CDH20: variants seen among roughly 807,000 people sequenced by gnomAD.
The protein encoded by CDH20 is cadherin-20.
In CDH20, 29 loss-of-function variants were observed where a neutral mutation model predicts 74.2. That is an observed-to-expected ratio of 0.39 (90% CI 0.29 to 0.53). CDH20 has a LOEUF of 0.53. Ranked by LOEUF, CDH20 falls within the 20% of genes least tolerant of loss-of-function variation. The pLI is 0.69. For missense variants in CDH20, 988 were observed against 1,048.3 expected, an observed-to-expected ratio of 0.94 and a Z score of 0.79; for synonymous variants, 469 against 405.4, an observed-to-expected ratio of 1.16 and a Z score of -1.88.
At chr18:61,522,489 C>A (rs1288773916) in intron 6 of CDH20, among the ~76,000 whole-genome samples, 1 of 152,122 alleles carries the variant, frequency 6.6e-6, no homozygotes, top group East Asian at 1.9e-4. Context: ...GGCCATACTG[C>A]CCAAAGTAAT....
rs550826800 is a variant in CDH20 at position 61,554,277 on chromosome 18, T to C, written c.1988T>C (p.Val663Ala). 1.2e-6 allele frequency: 2 copies of C among 1,613,896 alleles called. No homozygotes were observed. The highest frequency in any genetic ancestry group is 2.7e-5 in the African/African-American group (2 of 75,018). ...GAGGAAAACATCCACGAGAACATCG[T>C]CCGCTACGACGACGAGGGCGGCGGC... is the stretch of plus-strand genomic sequence containing the variant. ...DDEENIHENI[V>A]RYDDEGGGEE... is the part of the protein sequence containing the mutation. Residue 663 changes from valine (V) to alanine (A), a missense_variant, in exon 12 of 12, where the codon GTC becomes GCC. Around this residue, in one of 2 missense-constraint regions of CDH20, gnomAD observed 375 missense variants for 293.1 expected, o/e 1.28. Coordinates refer to ENST00000262717, the MANE Select transcript of CDH20 (RefSeq NM_031891.4).
intron 1 of CDH20, among the ~76,000 whole-genome samples, chr18:61,362,524 T>C (rs956724453): frequency 6.6e-6 from 1 of 152,192 alleles, no homozygotes; most frequent in South Asian, 2.1e-4. Flanking sequence ...GCTTGCATTT[T>C]AGTGGGGACA....
At chr18:61,411,072 A>C (rs967317677) in intron 1 of CDH20, among the ~76,000 whole-genome samples, 5 of 151,736 alleles carry the variant, frequency 3.3e-5, no homozygotes, top group Non-Finnish European at 5.9e-5. Context: ...TGGTGGCGGG[A>C]GCCTGTAGTC....
In CDH20 at chr18:61,463,496, G is replaced by C. The variant is rs141144652; in HGVS notation, c.-152-26906G>C. ...ATGAAAGAGCCAGACTCTAAATAGT[G>C]AAATGCTATTGTCAATGAACATGTT... On this transcript the variant is annotated intron_variant, in intron 1 of 11. Transcript: ENST00000262717. 4.6e-5 allele frequency among the ~76,000 whole-genome samples: 7 copies of C among 152,270 alleles called. No individual in the cohort carries two copies. The East Asian group carries it at 1.4e-3, about 29-fold the overall frequency.
chr18:61,515,465 G>A (rs773785516), intron 6 of CDH20, among the ~76,000 whole-genome samples: 29 of 152,050 alleles, frequency 1.9e-4, no homozygotes, highest in Admixed American at 5.9e-4. Flanking sequence ...CGTCTTCTGC[G>A]TTGCTCACGC....
intron 6 of CDH20, among the ~76,000 whole-genome samples, chr18:61,521,736 G>C (rs1342203818): frequency 1.4e-5 from 2 of 144,690 alleles, no homozygotes; most frequent in Non-Finnish European, 3.0e-5. Flanking sequence ...CGATCAAGTT[G>C]GCTTCATCTC....
chr18:61,505,810 G>A lies in CDH20; in HGVS notation c.830-1563G>A, dbSNP rs150700714. On this transcript the variant is annotated intron_variant, in intron 5 of 11. Transcript: ENST00000262717. ...CTGTGTCTCTATGCATTCTACACAC[G>A]TTATCGCTGCTTCCTCTTTTTTGAC... Among the ~76,000 whole-genome samples the A allele has an allele frequency of 1.8e-3, 280 of 152,298 alleles. 3 individuals are homozygous for A. The highest frequency in any genetic ancestry group is 6.3e-3 in the African/African-American group (260 of 41,566).
At position 61,417,578 on chromosome 18, in the gene CDH20, T is replaced by TAAAAAAAAAAAA. The variant is rs545256689; in HGVS notation, c.-152-72808_-152-72797dup. 5.3e-3 allele frequency among the ~76,000 whole-genome samples: 333 copies of TAAAAAAAAAAAA among 62,322 alleles called. 44 individuals carry two copies. The highest frequency in any genetic ancestry group is 0.015 in the African/African-American group (184 of 12,544). 40.9% of individuals were successfully genotyped at this position (62,322 alleles called of 152,430 possible). A position where few individuals can be genotyped will look rare whatever the true frequency, so the allele number is the denominator to read the frequency against. ...TATGTTCTTACTCAGATGTGGGAGC[T>TAAAAAAAAAAAA]AAAAAAAAAAAAAAAAAAAAAAAAA... On this transcript the variant is annotated intron_variant, in intron 1 of 11. Coordinates refer to ENST00000262717, the MANE Select transcript of CDH20 (RefSeq NM_031891.4).
At chr18:61,505,084 T>C (rs17749052) in intron 5 of CDH20, among the ~76,000 whole-genome samples, 15,798 of 152,202 alleles carry the variant, frequency 0.1, 1,006 homozygotes, top group Middle Eastern at 0.17. Context: ...ACTCACACTA[T>C]AGACTATAAA....
At chr18:61,358,545 C>T (rs1910577737) in intron 1 of CDH20, among the ~76,000 whole-genome samples, 1 of 152,076 alleles carries the variant, frequency 6.6e-6, no homozygotes, top group African/African-American at 2.4e-5. Context: ...ATTTTGTCTG[C>T]TACATACAGT....
chr18:61,526,761 C>T (rs753307321), intron 6 of CDH20, among the ~76,000 whole-genome samples: 12 of 152,140 alleles, frequency 7.9e-5, no homozygotes, highest in Middle Eastern at 3.4e-3. Context: ...GTATTTTACG[C>T]GATGGAATTT....
chr18:61,366,470 A>C (rs1910864250), intron 1 of CDH20, among the ~76,000 whole-genome samples: 1 of 152,174 alleles, frequency 6.6e-6, no homozygotes, highest in Non-Finnish European at 1.5e-5. Context: ...TTATATCTCC[A>C]AGATATACAC....
chr18:61,377,349 G>A (rs2144171322), intron 1 of CDH20, among the ~76,000 whole-genome samples: 1 of 152,034 alleles, frequency 6.6e-6, no homozygotes, highest in African/African-American at 2.4e-5. Context: ...ATGGAACAGG[G>A]GAGAACAACA....
chr18:61,396,400 T>G (rs1214425154), intron 1 of CDH20, among the ~76,000 whole-genome samples: 1 of 151,556 alleles, frequency 6.6e-6, no homozygotes. Flanking sequence ...CTTCACCTGT[T>G]CATCCTTTTT....
In CDH20 at chr18:61,545,032, CCAGA is replaced by C; in HGVS notation, c.1540_1543del (p.Thr514Ter). Reference sequence around the variant, plus strand: ...ATTTCATGTCCCTCCCTCAGCTGATCCAGACAGTGAGTGCGGTGGACCAAGATGA... The same window carrying C: ...ATTTCATGTCCCTCCCTCAGCTGATCCAGTGAGTGCGGTGGACCAAGATGA... On this transcript the variant is annotated frameshift_variant, in exon 10 of 12. Coordinates refer to ENST00000262717, the MANE Select transcript of CDH20 (RefSeq NM_031891.4). LOFTEE classifies it high-confidence loss of function. 3 of 1,610,262 alleles carry C rather than the reference CCAGA, an allele frequency of 1.9e-6. No individual in the cohort carries two copies. Among genetic ancestry groups the C allele is most frequent in the Non-Finnish European group, 2.5e-6 (3 of 1,176,486 alleles).
intron 1 of CDH20, among the ~76,000 whole-genome samples, chr18:61,446,316 CTGAA>C (rs1329104670): frequency 6.6e-6 from 1 of 152,202 alleles, no homozygotes; most frequent in Non-Finnish European, 1.5e-5. Flanking sequence ...ATCAGCATCA[CTGAA>C]GGGACCATCA....
At chr18:61,336,743 T>C (rs767405739) in intron 1 of CDH20, among the ~76,000 whole-genome samples, 10 of 144,342 alleles carry the variant, frequency 6.9e-5, no homozygotes, top group Non-Finnish European at 1.2e-4. Flanking sequence ...TGGTGTTCTA[T>C]GGAGAAAGGA....
chr18:61,484,737 C>CCACACACACA (rs36203080), intron 1 of CDH20, among the ~76,000 whole-genome samples: 4 of 146,250 alleles, frequency 2.7e-5, no homozygotes, highest in African/African-American at 1.0e-4. Flanking sequence ...TTGCTCTACT[C>CCACACACACA]CACACACACA....
At chr18:61,500,592 C>A in intron 4 of CDH20, 90 bp downstream of exon 4, 2 of 1,382,306 alleles carry the variant, frequency 1.4e-6, no homozygotes, top group Non-Finnish European at 2.0e-6. Context: ...TTTTTAAGGA[C>A]TCTCCAGGGA....
Sources: allele counts gnomAD v4.1 joint callset (sites outside exome capture counted in the v4.1 genomes callset), GRCh38; gene constraint gnomAD v4.1.1; regional missense constraint gnomAD v4.1.1; transcripts MANE v1.5; gene names NCBI Gene and HGNC (gene_info 2026-07-23, HGNC 2026-07-21).